The following PARD3B variants were observed in gnomAD, a reference collection of about 807,000 sequenced individuals.
The protein encoded by PARD3B is par-3 family cell polarity regulator beta.
A neutral mutation model predicts 130.2 loss-of-function variants in PARD3B; 103 were observed. The observed-to-expected ratio is 0.79, with a 90% CI of 0.67 to 0.93. The LOEUF is 0.93. Ranked by LOEUF, PARD3B falls within the 40% of genes least tolerant of loss-of-function variation. The probability of loss-of-function intolerance (pLI) is 0.00; values close to 1 mark genes in which losing one functional copy is unlikely to be tolerated. For missense variants in PARD3B, 1,609 were observed against 1,499.2 expected (o/e 1.07, Z -1.21); for synonymous variants, 583 against 553.2 (o/e 1.05, Z -0.76).
intron 3 of PARD3B, among the ~76,000 whole-genome samples, chr2:204,981,366 G>C (rs1692654194): frequency 6.6e-6 from 1 of 152,094 alleles, no homozygotes; most frequent in African/African-American, 2.4e-5. Flanking sequence ...GCATACAATG[G>C]AATACTTTAC....
At chr2:205,535,634 G>T (rs1234326384) in intron 21 of PARD3B, among the ~76,000 whole-genome samples, 1 of 152,152 alleles carries the variant, frequency 6.6e-6, no homozygotes, top group Non-Finnish European at 1.5e-5. Context: ...CCCACTTAAA[G>T]AACAAGGTAT....
chr2:204,617,230 G>T lies in PARD3B; in HGVS notation c.121-68951G>T, dbSNP rs117551796. Among the ~76,000 whole-genome samples, 101 of 152,194 alleles carry T rather than the reference G, an allele frequency of 6.6e-4. 1 individual carries two copies. The East Asian group carries it at 0.015, about 23-fold the overall frequency. ...AATGGTACAACCTCAAGCCTTCTGT[G>T]GAAATCAGCTGGCCTCTCCTGATGA... is the stretch of plus-strand genomic sequence containing the variant. On this transcript the variant is annotated intron_variant, in intron 1 of 22. Coordinates refer to ENST00000406610, the MANE Select transcript of PARD3B (RefSeq NM_001302769.2).
intron 15 of PARD3B, among the ~76,000 whole-genome samples, chr2:205,221,114 T>C (rs1358079113): frequency 6.6e-6 from 1 of 152,172 alleles, no homozygotes; most frequent in Non-Finnish European, 1.5e-5. Flanking sequence ...TTGTGGAAAA[T>C]AGACCATAGG....
intron 18 of PARD3B, among the ~76,000 whole-genome samples, chr2:205,332,104 CA>C (rs973972503): frequency 6.6e-6 from 1 of 150,972 alleles, no homozygotes; most frequent in Admixed American, 6.6e-5. Context: ...GACTCGGTCT[CA>C]AAAAAAAGAA....
Position 204,643,115 on chromosome 2 carries a change from C to CAAAAAAAAAAAAAAAAAAAAAAAAA in PARD3B, c.121-43045_121-43044insAAAAAAAAAAAAAAAAAAAAAAAAA, listed in dbSNP as rs71029202. On this transcript the variant is annotated intron_variant, in intron 1 of 22. Coordinates refer to ENST00000406610, the MANE Select transcript of PARD3B (RefSeq NM_001302769.2). ...GGCGACAGAGGGAGACTCTGTCTCA[C>CAAAAAAAAAAAAAAAAAAAAAAAAA]AAAAAAAAAAAAAAAAAAAAATGTT... Among the ~76,000 whole-genome samples, 11 of 31,812 alleles carry CAAAAAAAAAAAAAAAAAAAAAAAAA rather than the reference C, an allele frequency of 3.5e-4. 2 individuals are homozygous for CAAAAAAAAAAAAAAAAAAAAAAAAA. Among genetic ancestry groups the CAAAAAAAAAAAAAAAAAAAAAAAAA allele is most frequent in the East Asian group, 3.2e-3 (2 of 630 alleles). The allele number at this position is 31,812 out of a possible 152,430, so 20.9% of individuals were successfully genotyped here. A position where few individuals can be genotyped will look rare whatever the true frequency, so the allele number is the denominator to read the frequency against.
chr2:205,100,733 A>G (rs911514898), intron 4 of PARD3B, among the ~76,000 whole-genome samples: 1 of 152,182 alleles, frequency 6.6e-6, no homozygotes, highest in Non-Finnish European at 1.5e-5. Flanking sequence ...AGACAATTCA[A>G]TGAATAAAAA....
At chr2:205,359,334 A>T (rs1296660491) in intron 18 of PARD3B, among the ~76,000 whole-genome samples, 1 of 152,230 alleles carries the variant, frequency 6.6e-6, no homozygotes, top group Non-Finnish European at 1.5e-5. Flanking sequence ...TCTCCACAAT[A>T]ATAACATGAA....
chr2:204,738,565 A>G (rs1332846826), intron 2 of PARD3B, among the ~76,000 whole-genome samples: 1 of 152,166 alleles, frequency 6.6e-6, no homozygotes, highest in Non-Finnish European at 1.5e-5. Flanking sequence ...ATCTGGACAG[A>G]CTGAGCTGAG....
chr2:205,539,174 C>T (rs2052007158), intron 21 of PARD3B, among the ~76,000 whole-genome samples: 1 of 152,122 alleles, frequency 6.6e-6, no homozygotes, highest in Non-Finnish European at 1.5e-5. Flanking sequence ...AGTGATGGTG[C>T]TTTTAGGATT....
intron 8 of PARD3B, among the ~76,000 whole-genome samples, 199 bp from the exon 9 acceptor site, chr2:205,124,128 C>G (rs1187856560): frequency 6.6e-6 from 1 of 152,204 alleles, no homozygotes. Context: ...CCTAAATTCA[C>G]TTTGATACTG....
chr2:205,450,970 A>G (rs1308627501), intron 20 of PARD3B, among the ~76,000 whole-genome samples: 1 of 152,210 alleles, frequency 6.6e-6, no homozygotes, highest in Non-Finnish European at 1.5e-5. Flanking sequence ...AGGCTTAACA[A>G]TCATCCACAG....
chr2:205,509,747 T>C (rs2106367645), intron 21 of PARD3B, among the ~76,000 whole-genome samples: 1 of 152,358 alleles, frequency 6.6e-6, no homozygotes, highest in Admixed American at 6.5e-5. Flanking sequence ...TTTCCACGTA[T>C]GGAGCCCAAG....
intron 1 of PARD3B, among the ~76,000 whole-genome samples, chr2:204,565,155 A>T (rs1305037434): frequency 6.6e-6 from 1 of 152,192 alleles, no homozygotes; most frequent in African/African-American, 2.4e-5. Flanking sequence ...CAGCTCCTGG[A>T]GGCCACCCTT....
chr2:204,828,543 T>C (rs2043680609), intron 2 of PARD3B, among the ~76,000 whole-genome samples: 1 of 152,228 alleles, frequency 6.6e-6, no homozygotes, highest in Non-Finnish European at 1.5e-5. Context: ...TACTTACGTC[T>C]CTGCTGATTA....
At chr2:205,028,186 T>G (rs1697168008) in intron 3 of PARD3B, among the ~76,000 whole-genome samples, 1 of 152,138 alleles carries the variant, frequency 6.6e-6, no homozygotes, top group Admixed American at 6.6e-5. Context: ...CAATATTAAT[T>G]TTTTAATCCA....
chr2:205,120,439 G>C (rs2030551235), intron 7 of PARD3B, among the ~76,000 whole-genome samples: 1 of 152,212 alleles, frequency 6.6e-6, no homozygotes, highest in Non-Finnish European at 1.5e-5. Context: ...ACTTCAGAAA[G>C]GGGGGTGCGG....
At chr2:204,860,378 A>G (rs955749815) in intron 2 of PARD3B, among the ~76,000 whole-genome samples, 1 of 152,318 alleles carries the variant, frequency 6.6e-6, no homozygotes, top group Admixed American at 6.5e-5. Context: ...AGCCATTTGA[A>G]ATAGCATTCA....
chr2:205,254,664 A>ATTTTT (rs199515695), intron 16 of PARD3B, among the ~76,000 whole-genome samples: 1 of 128,356 alleles, frequency 7.8e-6, no homozygotes, highest in Non-Finnish European at 1.6e-5. Context: ...ATTTTATTTT[A>ATTTTT]TTTTATTTTT....
At chr2:204,931,259 A>G (rs1688009702) in intron 2 of PARD3B, among the ~76,000 whole-genome samples, 1 of 152,048 alleles carries the variant, frequency 6.6e-6, no homozygotes, top group Non-Finnish European at 1.5e-5. Flanking sequence ...AAATTTCTTC[A>G]CCATTTTAAG....
Sources: gnomAD v4.1 joint callset for allele counts (sites outside exome capture counted in the v4.1 genomes callset) on GRCh38, gnomAD v4.1.1 for gene constraint, MANE v1.5 for transcripts, NCBI Gene and HGNC (gene_info 2026-07-23, HGNC 2026-07-21) for gene names.